Variants in VPS13C observed in about 807,000 individuals in gnomAD.
VPS13C encodes vacuolar protein sorting 13 homolog C, also known as intermembrane lipid transfer protein VPS13C.
In VPS13C, 358 loss-of-function variants were observed where a neutral mutation model predicts 456.8. The ratio of observed to expected loss-of-function variants is 0.78; its 90% CI spans 0.72 to 0.86. The LOEUF is 0.86. VPS13C is among the 40% of genes least tolerant of loss of function. The pLI, the probability that VPS13C is intolerant of heterozygous loss-of-function variation, is 0.00. For missense variants in VPS13C, 4,818 were observed against 4,385.4 expected (o/e 1.10, Z -2.79); for synonymous variants, 1,578 against 1,486.7 (o/e 1.06, Z -1.41).
chr15:61,978,037 T>C (rs1206786905), intron 23 of VPS13C, among the ~76,000 whole-genome samples: 6 of 152,158 alleles, frequency 3.9e-5, no homozygotes, highest in Admixed American at 3.3e-4. Context: ...GTATTGCTTC[T>C]AGAAACTAAG....
intron 39 of VPS13C, among the ~76,000 whole-genome samples, 187 bp downstream of exon 39, chr15:61,951,637 T>C (rs986139100): frequency 6.6e-6 from 1 of 152,216 alleles, no homozygotes; most frequent in Non-Finnish European, 1.5e-5. Context: ...TCACATTTCC[T>C]AATAAATTAA....
In VPS13C at chr15:61,919,450, C is replaced by T. The variant is rs1179871099; in HGVS notation, c.7478-1G>A. On this transcript the variant is annotated splice_acceptor_variant, in intron 57 of 84. Coordinates refer to ENST00000644861, the MANE Select transcript of VPS13C (RefSeq NM_020821.3). LOFTEE classifies it high-confidence loss of function. ...GCAACTTCTGTATATCCATGAGGTA[C>T]TAAGGCAGTGCATAAGTGAAAAGAA... 10 of 1,539,224 alleles carry T rather than the reference C, an allele frequency of 6.5e-6. No homozygotes were observed. Among genetic ancestry groups the T allele is most frequent in the Non-Finnish European group, 7.8e-6 (9 of 1,148,136 alleles).
At chr15:61,985,150 A>G in intron 18 of VPS13C, 151 bp from the exon 19 acceptor site, 1 of 556,776 alleles carries the variant, frequency 1.8e-6, no homozygotes. Flanking sequence ...ATAAAGGAAA[A>G]ATTCTTCATT....
chr15:61,954,353 A>T, intron 38 of VPS13C, 68 bp downstream of exon 38: 1 of 1,514,134 alleles, frequency 6.6e-7, no homozygotes, highest in South Asian at 1.3e-5. Flanking sequence ...CTGTAAGTTT[A>T]GTAGAGGTAA....
chr15:62,002,474 G>C (rs562057729), intron 15 of VPS13C, among the ~76,000 whole-genome samples: 1 of 152,110 alleles, frequency 6.6e-6, no homozygotes, highest in Non-Finnish European at 1.5e-5. Flanking sequence ...TAGGTTGCCT[G>C]TTCACTCTGA....
chr15:62,016,958 G>A (rs879051574), intron 9 of VPS13C, among the ~76,000 whole-genome samples: 4 of 152,230 alleles, frequency 2.6e-5, no homozygotes, highest in Admixed American at 2.0e-4. Context: ...TTCAATGATC[G>A]CCATTCTAAC....
At chr15:62,018,353 C>T (rs550690236) in intron 9 of VPS13C, among the ~76,000 whole-genome samples, 9 of 152,012 alleles carry the variant, frequency 5.9e-5, no homozygotes, top group Admixed American at 3.9e-4. Context: ...GAGGGCATCC[C>T]TGTCTTGTGC....
intron 55 of VPS13C, among the ~76,000 whole-genome samples, chr15:61,920,995 C>T (rs924072878): frequency 2.0e-5 from 3 of 152,094 alleles, no homozygotes; most frequent in Non-Finnish European, 4.4e-5. Context: ...GAAGTCTAAA[C>T]TGATCCCTAT....
At chr15:62,019,171 TTCTC>T (rs1457953746) in intron 9 of VPS13C, among the ~76,000 whole-genome samples, 9 of 152,210 alleles carry the variant, frequency 5.9e-5, no homozygotes, top group Non-Finnish European at 1.0e-4. Flanking sequence ...TATCTGATTC[TTCTC>T]TCTTTTCTCC....
At chr15:61,925,625 T>C (rs2043823111) in intron 52 of VPS13C, 77 bp from the exon 53 acceptor site, 46 of 1,065,784 alleles carry the variant, frequency 4.3e-5, no homozygotes, top group Admixed American at 1.0e-4. Flanking sequence ...AACCATGTCT[T>C]ACTTAACTTG....
chr15:61,907,490 A>C (rs2043184017), intron 65 of VPS13C, 100 bp from the exon 66 acceptor site: 1 of 1,429,446 alleles, frequency 7.0e-7, no homozygotes, highest in African/African-American at 1.4e-5. Flanking sequence ...AGTCCTACGA[A>C]ATTGCTGTGG....
At chr15:61,889,518 G>C (rs1171338881) in intron 67 of VPS13C, among the ~76,000 whole-genome samples, 1 of 151,860 alleles carries the variant, frequency 6.6e-6, no homozygotes, top group Non-Finnish European at 1.5e-5. Context: ...CCACCCATCA[G>C]CCTCTAAAAA....
At chr15:62,030,051 A>T (rs748467385) in intron 5 of VPS13C, among the ~76,000 whole-genome samples, 2 of 152,078 alleles carry the variant, frequency 1.3e-5, no homozygotes, top group Non-Finnish European at 2.9e-5. Flanking sequence ...CCAAAAAACA[A>T]TCAGTTCAGA....
intron 9 of VPS13C, among the ~76,000 whole-genome samples, chr15:62,015,408 T>C (rs1041511802): frequency 1.3e-5 from 2 of 152,014 alleles, no homozygotes; most frequent in Non-Finnish European, 2.9e-5. Context: ...CTTTTGGTGT[T>C]TTGGACATGA....
intron 21 of VPS13C, 132 bp downstream of exon 21, chr15:61,982,327 C>G: frequency 1.7e-6 from 1 of 602,726 alleles, no homozygotes; most frequent in Non-Finnish European, 2.7e-6. Flanking sequence ...CATGTCCACT[C>G]TATACTGTAA....
chr15:62,056,877 G>T (rs1020367326), intron 1 of VPS13C, among the ~76,000 whole-genome samples: 1 of 152,146 alleles, frequency 6.6e-6, no homozygotes, highest in Non-Finnish European at 1.5e-5. Context: ...GGCAGGGAAG[G>T]GCCCCCTGTC....
At chr15:61,954,372 T>C in intron 38 of VPS13C, 49 bp downstream of exon 38, 1 of 1,575,780 alleles carries the variant, frequency 6.3e-7, no homozygotes, top group Non-Finnish European at 8.6e-7. Flanking sequence ...AATTCCAATA[T>C]CCATTACTTA....
chr15:61,925,441 A>G lies in VPS13C; in HGVS notation c.6609+15T>C. The stretch of plus-strand genomic sequence containing the variant: ...AAATAAGAATTTTCACTCAAAGAAT[A>G]TGGTAAGTACTAACCTTAATTATAA... On this transcript the variant is annotated intron_variant, in intron 53 of 84. Coordinates refer to ENST00000644861, the MANE Select transcript of VPS13C (RefSeq NM_020821.3). The G allele has an allele frequency of 1.4e-6, 2 of 1,437,032 alleles. No homozygotes were observed. Among genetic ancestry groups the G allele is most frequent in the Non-Finnish European group, 1.9e-6 (2 of 1,063,406 alleles). 89.0% of individuals were successfully genotyped at this position (1,437,032 alleles called of 1,614,324 possible). A position where few individuals can be genotyped will look rare whatever the true frequency, so the allele number is the denominator to read the frequency against.
intron 64 of VPS13C, among the ~76,000 whole-genome samples, chr15:61,909,509 T>C (rs1164239903): frequency 1.3e-5 from 2 of 152,200 alleles, no homozygotes; most frequent in African/African-American, 4.8e-5. Context: ...ACCCGGCCTG[T>C]TTCCTTAAGT....
Sources: allele counts gnomAD v4.1 joint callset (sites outside exome capture counted in the v4.1 genomes callset), GRCh38; gene constraint gnomAD v4.1.1; transcripts MANE v1.5; gene names NCBI Gene and HGNC (gene_info 2026-07-23, HGNC 2026-07-21).